Variants in WDPCP observed in about 807,000 individuals in gnomAD.
The protein encoded by WDPCP is WD repeat containing planar cell polarity effector, also known as WD repeat-containing and planar cell polarity effector protein fritz homolog.
A neutral mutation model predicts 93.1 loss-of-function variants in WDPCP; 71 were observed. That is an observed-to-expected ratio of 0.76 (90% CI 0.63 to 0.93). The LOEUF (loss-of-function observed/expected upper bound fraction) is 0.93. Among genes scored for constraint, WDPCP ranks in the 40% least tolerant of loss-of-function variants. WDPCP has a pLI of 0.00. For synonymous variants in WDPCP, 315 were observed against 315.0 expected (o/e 1.00, Z 0.00); for missense variants, 844 against 887.4 (o/e 0.95, Z 0.62).
chr2:63,242,026 A>G (rs920400431), intron 14 of WDPCP, among the ~76,000 whole-genome samples: 10 of 152,190 alleles, frequency 6.6e-5, no homozygotes, highest in Non-Finnish European at 1.5e-5. Context: ...TAATGATTCC[A>G]ATTTTGTTAA....
chr2:63,603,248 G>A (rs879930446), intron 3 of WDPCP, among the ~76,000 whole-genome samples: 1 of 152,016 alleles, frequency 6.6e-6, no homozygotes, highest in African/African-American at 2.4e-5. Flanking sequence ...GAGCCACCGC[G>A]CCTGGCATAT....
At chr2:63,577,789 CCAAT>C (rs1708215426) in intron 1 of WDPCP, among the ~76,000 whole-genome samples, 1 of 151,954 alleles carries the variant, frequency 6.6e-6, no homozygotes, top group Non-Finnish European at 1.5e-5. Flanking sequence ...AGTCCTAATC[CCAAT>C]CATAGACTAT....
chr2:63,633,977 A>G (rs1236701588), intron 3 of WDPCP, among the ~76,000 whole-genome samples: 1 of 152,056 alleles, frequency 6.6e-6, no homozygotes, highest in Non-Finnish European at 1.5e-5. Flanking sequence ...AAGGAGAATC[A>G]CTTGAACCTG....
At chr2:63,783,736 A>AT (rs1670430339) in intron 2 of WDPCP, among the ~76,000 whole-genome samples, 2 of 152,170 alleles carry the variant, frequency 1.3e-5, no homozygotes, top group Non-Finnish European at 2.9e-5. Context: ...CTTGGCATAA[A>AT]GTGTGGAATG....
intron 13 of WDPCP, among the ~76,000 whole-genome samples, chr2:63,297,389 A>G (rs556612428): frequency 7.2e-5 from 11 of 152,242 alleles, no homozygotes; most frequent in African/African-American, 2.4e-4. Context: ...TTGTAAGACA[A>G]CAGGATCATT....
chr2:63,197,001 G>A (rs1382194732), intron 14 of WDPCP, among the ~76,000 whole-genome samples: 1 of 152,142 alleles, frequency 6.6e-6, no homozygotes, highest in Non-Finnish European at 1.5e-5. Context: ...GTACAATACA[G>A]AAACATTGTT....
At chr2:63,449,956 G>C (rs1297879175) in intron 6 of WDPCP, among the ~76,000 whole-genome samples, 1 of 152,180 alleles carries the variant, frequency 6.6e-6, no homozygotes, top group Non-Finnish European at 1.5e-5. Flanking sequence ...GGGGTCTCCA[G>C]TACTTTAGCC....
At chr2:63,765,516 C>A (rs1255136132) in intron 2 of WDPCP, among the ~76,000 whole-genome samples, 2 of 152,196 alleles carry the variant, frequency 1.3e-5, no homozygotes, top group African/African-American at 4.8e-5. Flanking sequence ...ATGAATTGAA[C>A]TGGGGCCTTG....
Position 63,382,038 on chromosome 2 carries a change from A to C in WDPCP, c.1492T>G (p.Cys498Gly), listed in dbSNP as rs758621800. 16 of 1,613,294 alleles carry C rather than the reference A, an allele frequency of 9.9e-6. No individual in the cohort carries two copies. In the South Asian group the frequency reaches 1.6e-4, roughly 17 times the overall value. Residue 498 changes from cysteine to glycine, a missense_variant, in exon 11 of 18, where the codon TGT (cysteine) becomes GGT (glycine). By Grantham distance (159) the Cys-to-Gly change is radical. Coordinates refer to ENST00000272321, the MANE Select transcript of WDPCP (RefSeq NM_015910.7). ...LIDIIFQYIH[C>G]DEIYEAINIL... is the part of the protein sequence containing the mutation. ...TTTATTGCCTCATAGATCTCATCAC[A>C]GTGAATGTACTGGAAGATGATGTCT... is the stretch of plus-strand genomic sequence containing the variant.
intron 12 of WDPCP, among the ~76,000 whole-genome samples, chr2:63,341,990 C>T (rs1366578774): frequency 6.6e-6 from 1 of 152,096 alleles, no homozygotes; most frequent in East Asian, 1.9e-4. Flanking sequence ...CCAGTGGTCC[C>T]CAACTTTTTT....
chr2:63,607,493 G>A (rs539239586), intron 3 of WDPCP, among the ~76,000 whole-genome samples: 16 of 151,822 alleles, frequency 1.1e-4, no homozygotes, highest in Middle Eastern at 3.4e-3. Context: ...CCAAGATTGC[G>A]CCACTGCACT....
chr2:63,488,121 A>C (rs1700673989), intron 2 of WDPCP, among the ~76,000 whole-genome samples: 1 of 152,114 alleles, frequency 6.6e-6, no homozygotes, highest in African/African-American at 2.4e-5. Flanking sequence ...TTAACCAAGG[A>C]ATTATTCCAG....
chr2:63,499,623 G>A (rs188247940), intron 1 of WDPCP, among the ~76,000 whole-genome samples: 79 of 152,120 alleles, frequency 5.2e-4, no homozygotes, highest in Middle Eastern at 3.4e-3. Flanking sequence ...GTGGCAGCTG[G>A]AATATAACAA....
chr2:63,601,956 A>C (rs1709426973), intron 3 of WDPCP, among the ~76,000 whole-genome samples: 1 of 152,194 alleles, frequency 6.6e-6, no homozygotes, highest in Admixed American at 6.5e-5. Flanking sequence ...CAGACGTAAA[A>C]AATGGTACTC....
intron 2 of WDPCP, among the ~76,000 whole-genome samples, chr2:63,726,401 G>A (rs941590617): frequency 1.3e-5 from 2 of 152,088 alleles, no homozygotes; most frequent in African/African-American, 2.4e-5. Context: ...TGTTCCATTC[G>A]TCTATATGAC....
intron 14 of WDPCP, among the ~76,000 whole-genome samples, chr2:63,219,944 G>A (rs1344179927): frequency 2.0e-5 from 3 of 152,096 alleles, no homozygotes; most frequent in Non-Finnish European, 1.5e-5. Flanking sequence ...AGAGGTTGCA[G>A]TAAGCCAAGA....
chr2:63,763,245 T>C (rs1309958392), intron 2 of WDPCP, among the ~76,000 whole-genome samples: 2 of 152,190 alleles, frequency 1.3e-5, no homozygotes, highest in African/African-American at 2.4e-5. Flanking sequence ...GGCTCATGCC[T>C]GTGATCCCAG....
chr2:63,324,263 C>A lies in WDPCP; in HGVS notation c.1749-10952G>T, dbSNP rs528973798. Among the ~76,000 whole-genome samples the A allele has an allele frequency of 5.0e-4, 76 of 152,202 alleles. 1 individual carries two copies. In the South Asian group the frequency reaches 0.015, roughly 30 times the overall value. On this transcript the variant is annotated intron_variant, in intron 12 of 17. Coordinates refer to ENST00000272321, the MANE Select transcript of WDPCP (RefSeq NM_015910.7). Reference sequence around the variant, plus strand: ...CTATGCAAAGCTTGCAATTTACATCCCCCAGGAGGACCTTTCAGCTTAGTC... The same window carrying A: ...CTATGCAAAGCTTGCAATTTACATCACCCAGGAGGACCTTTCAGCTTAGTC...
chr2:63,477,329 C>CA (rs931457324), intron 6 of WDPCP, among the ~76,000 whole-genome samples: 1 of 151,068 alleles, frequency 6.6e-6, no homozygotes, highest in Admixed American at 6.6e-5. Flanking sequence ...TTTTAGGAGA[C>CA]AAAAAAAATG....
Sources: allele counts gnomAD v4.1 joint callset (sites outside exome capture counted in the v4.1 genomes callset), GRCh38; gene constraint gnomAD v4.1.1; transcripts MANE v1.5; gene names NCBI Gene and HGNC (gene_info 2026-07-23, HGNC 2026-07-21).